The following ATL1 variants were observed in gnomAD, a reference collection of about 807,000 sequenced individuals.
ATL1 encodes atlastin GTPase 1.
Under a neutral mutation model 75.5 loss-of-function variants are expected in ATL1, and 31 were observed. The observed-to-expected ratio is 0.41, with a 90% confidence interval of 0.31 to 0.55. The LOEUF (loss-of-function observed/expected upper bound fraction) is 0.55, where lower values mean the gene tolerates loss of function less well. ATL1 is among the 20% of genes least tolerant of loss of function. The probability of loss-of-function intolerance (pLI) is 0.27; values close to 1 mark genes in which losing one functional copy is unlikely to be tolerated. For synonymous variants in ATL1, 226 were observed against 233.3 expected (o/e 0.97, Z 0.28); for missense variants, 405 against 662.6 (o/e 0.61, Z 4.27).
At chr14:50,588,114 C>T in intron 2 of ATL1, 36 bp downstream of exon 2, 1 of 1,612,696 alleles carries the variant, frequency 6.2e-7, no homozygotes, top group Non-Finnish European at 8.5e-7. Context: ...TTTCTTTCTT[C>T]TGTGCTTCTG....
intron 6 of ATL1, among the ~76,000 whole-genome samples, chr14:50,600,272 G>C (rs1424964007): frequency 6.8e-6 from 1 of 146,686 alleles, no homozygotes; most frequent in African/African-American, 2.5e-5. Context: ...AAAAAAAAAA[G>C]AGTTGAAAAC....
chr14:50,609,355 A>G (rs1048444839), intron 6 of ATL1, among the ~76,000 whole-genome samples: 1 of 152,052 alleles, frequency 6.6e-6, no homozygotes, highest in East Asian at 1.9e-4. Flanking sequence ...TAGATAAACT[A>G]AAAAGTAGGA....
intron 1 of ATL1, among the ~76,000 whole-genome samples, chr14:50,563,308 T>C (rs1363098129): frequency 6.6e-6 from 1 of 152,210 alleles, no homozygotes; most frequent in Non-Finnish European, 1.5e-5. Flanking sequence ...TTTTTCCTAA[T>C]TTATTTTCTA....
intron 1 of ATL1, among the ~76,000 whole-genome samples, chr14:50,576,663 A>C (rs983861628): frequency 1.3e-5 from 2 of 152,156 alleles, no homozygotes; most frequent in Non-Finnish European, 2.9e-5. Flanking sequence ...GTAATCTGCT[A>C]TTTCTGGACC....
intron 1 of ATL1, among the ~76,000 whole-genome samples, chr14:50,574,931 G>GTATATATATATATA (rs1398197718): frequency 3.8e-5 from 3 of 78,746 alleles, no homozygotes; most frequent in African/African-American, 5.5e-5. Flanking sequence ...GTGTGTGTGT[G>GTATATATATATATA]TGTGTGTATA....
chr14:50,572,925 A>G (rs550128826), intron 1 of ATL1, among the ~76,000 whole-genome samples: 1 of 152,322 alleles, frequency 6.6e-6, no homozygotes, highest in East Asian at 1.9e-4. Context: ...GGGAGGCCTC[A>G]GAAAACTTAC....
chr14:50,536,038 A>G (rs372130286), intron 1 of ATL1, among the ~76,000 whole-genome samples: 2 of 152,336 alleles, frequency 1.3e-5, no homozygotes, highest in East Asian at 1.9e-4. Flanking sequence ...GCCCTCTGCC[A>G]TGATTGTGAG....
At chr14:50,616,859 G>A (rs987569657) in intron 8 of ATL1, among the ~76,000 whole-genome samples, 8 of 152,184 alleles carry the variant, frequency 5.3e-5, no homozygotes, top group African/African-American at 1.9e-4. Flanking sequence ...TCTTTGGGCA[G>A]TTTTGAAAGT....
rs370748757 is a variant in ATL1 at position 50,628,271 on chromosome 14, G to C, written c.1360G>C (p.Val454Leu). Residue 454 changes from valine to leucine, a missense_variant, in exon 12 of 14, where the codon GTC becomes CTC. Val to Leu is a conservative substitution (Grantham distance 32, BLOSUM62 1). Coordinates refer to ENST00000358385, the MANE Select transcript of ATL1 (RefSeq NM_015915.5). Reference sequence around the variant, plus strand: ...TCGTACCCCAGCCACACTGTTTGTAGTCATCTTTATCACATATGTGATTGC... The same window carrying C: ...TCGTACCCCAGCCACACTGTTTGTACTCATCTTTATCACATATGTGATTGC... ...AARTPATLFV[V>L]IFITYVIAGV... 4.6e-5 allele frequency: 74 copies of C among 1,614,054 alleles called. No individual in the cohort carries two copies. Among genetic ancestry groups the C allele is most frequent in the Non-Finnish European group, 6.2e-5 (73 of 1,180,048 alleles).
chr14:50,572,307 T>A (rs961538315), intron 1 of ATL1, among the ~76,000 whole-genome samples: 17 of 152,242 alleles, frequency 1.1e-4, no homozygotes, highest in Non-Finnish European at 8.8e-5. Context: ...ATTAGGATGA[T>A]CTAGTTTGAG....
At chr14:50,613,152 G>T in intron 6 of ATL1, 107 bp from the exon 7 acceptor site, 1 of 870,208 alleles carries the variant, frequency 1.1e-6, no homozygotes, top group East Asian at 2.5e-5. Flanking sequence ...TCAGCAATGT[G>T]GGAAAGAACG....
At chr14:50,584,301 TC>T (rs1211713399) in intron 1 of ATL1, among the ~76,000 whole-genome samples, 3 of 152,118 alleles carry the variant, frequency 2.0e-5, no homozygotes, top group Non-Finnish European at 4.4e-5. Flanking sequence ...TCGATTGAGC[TC>T]AGGAAGCAGA....
At chr14:50,594,932 A>G (rs144452391) in intron 5 of ATL1, among the ~76,000 whole-genome samples, 5,832 of 151,216 alleles carry the variant, frequency 0.039, 113 homozygotes, top group Middle Eastern at 0.058. Flanking sequence ...CAGGGAGGTC[A>G]AGGCTGCAGT....
rs538575913 is a variant in ATL1 at position 50,629,114 on chromosome 14, A to G, written c.1551+652A>G. 5.3e-5 allele frequency among the ~76,000 whole-genome samples: 8 copies of G among 152,354 alleles called. No homozygotes were observed. The South Asian group carries it at 1.4e-3, about 28-fold the overall frequency. Reference sequence around the variant, plus strand: ...CTTGTGTTAACATTATCTCATATTTACAACCTATGATTTGATTAGCATTAG... The same window carrying G: ...CTTGTGTTAACATTATCTCATATTTGCAACCTATGATTTGATTAGCATTAG... On this transcript the variant is annotated intron_variant, in intron 12 of 13. Coordinates refer to ENST00000358385, the MANE Select transcript of ATL1 (RefSeq NM_015915.5).
intron 1 of ATL1, among the ~76,000 whole-genome samples, chr14:50,576,517 T>G (rs2039007588): frequency 6.6e-6 from 1 of 152,174 alleles, no homozygotes; most frequent in African/African-American, 2.4e-5. Context: ...GCAAAACATA[T>G]TTAAGAAAAA....
chr14:50,625,801 T>G (rs2140237083), intron 11 of ATL1, among the ~76,000 whole-genome samples: 1 of 151,378 alleles, frequency 6.6e-6, no homozygotes, highest in Non-Finnish European at 1.5e-5. Context: ...TCCCAGGTAC[T>G]CAGGAGGCTG....
rs569124430 is a variant in ATL1 at position 50,573,579 on chromosome 14, C to T, written c.34+13280C>T. Among the ~76,000 whole-genome samples, 12 of 152,212 alleles carry T rather than the reference C, an allele frequency of 7.9e-5. 1 individual carries two copies. The South Asian group carries it at 2.1e-3, about 26-fold the overall frequency. ...TTAATTTTTATAAATATCTCATGTA[C>T]ATTTGAAAAGCATTTCATGTTTCCT... is the stretch of plus-strand genomic sequence containing the variant. On this transcript the variant is annotated intron_variant, in intron 1 of 13. Coordinates refer to ENST00000358385, the MANE Select transcript of ATL1 (RefSeq NM_015915.5).
At chr14:50,572,865 G>A (rs2038966670) in intron 1 of ATL1, among the ~76,000 whole-genome samples, 1 of 152,130 alleles carries the variant, frequency 6.6e-6, no homozygotes, top group South Asian at 2.1e-4. Flanking sequence ...CCTAGACTAG[G>A]TAATTTATAA....
In ATL1 at chr14:50,614,360, T is replaced by A. The variant is rs747797630; in HGVS notation, c.724-13T>A. On this transcript the variant is annotated splice_polypyrimidine_tract_variant and intron_variant, in intron 7 of 13. Transcript: ENST00000358385. ...GATGAAAGTAGTTTAAACTTCAGAA[T>A]GATTTACTGCAGGTCTCAGGGAACC... 6 of 1,613,728 alleles carry A rather than the reference T, an allele frequency of 3.7e-6. No homozygotes were observed. Among genetic ancestry groups the A allele is most frequent in the Middle Eastern group, 1.6e-4 (1 of 6,078 alleles).
Sources: allele counts gnomAD v4.1 joint callset (sites outside exome capture counted in the v4.1 genomes callset), GRCh38; gene constraint gnomAD v4.1.1; transcripts MANE v1.5; gene names NCBI Gene and HGNC (gene_info 2026-07-23, HGNC 2026-07-21).